Variants in NAA16 observed in about 807,000 individuals in gnomAD.
The protein encoded by NAA16 is N-alpha-acetyltransferase 16, NatA auxiliary subunit, also known as NARG1-like protein.
NAA16 carries 97 observed loss-of-function variants against 110.3 expected under a neutral mutation model. The ratio of observed to expected loss-of-function variants is 0.88; its 90% confidence interval spans 0.75 to 1.04. NAA16 has a LOEUF of 1.04. NAA16 is among the 50% of genes least tolerant of loss of function. The pLI, the probability that NAA16 is intolerant of heterozygous loss-of-function variation, is 0.00. For synonymous variants in NAA16, 372 were observed against 330.6 expected (o/e 1.13, Z -1.36); for missense variants, 1,017 against 1,005.1 (o/e 1.01, Z -0.16).
At chr13:41,332,451 C>T (rs530202615) in intron 8 of NAA16, among the ~76,000 whole-genome samples, 7 of 152,042 alleles carry the variant, frequency 4.6e-5, no homozygotes, top group Admixed American at 1.3e-4. Flanking sequence ...GACCTTGAGT[C>T]GAGTTATTGT....
In NAA16 at chr13:41,369,275, T is replaced by A; in HGVS notation, c.1939T>A (p.Leu647Ile). 6.4e-7 allele frequency: 1 copy of A among 1,563,282 alleles called. No homozygotes were observed. Among genetic ancestry groups the A allele is most frequent in the South Asian group, 1.2e-5 (1 of 81,220 alleles). Residue 647 changes from leucine to isoleucine, a missense_variant, in exon 15 of 20, where the codon TTA (leucine) becomes ATA (isoleucine). Transcript: ENST00000379406. ...TAAGGAAGAACTTATACCTGAAAAA[T>A]TAGAAAGGGTGAGATGGGTTTTACT... is the stretch of plus-strand genomic sequence containing the variant. ...GLKEELIPEK[L>I]ERVENPLEEA...
In NAA16 at chr13:41,320,752, T is replaced by C; in HGVS notation, c.330T>C (p.Asp110=). ...GTTACCGAAATGCCCTCAAATTAGA[T>C]AAAGATAACCTGCAAATTTTGAGGG... ...IKCYRNALKL[D]KDNLQILRDL... is the part of the protein sequence containing the mutation. The change falls in exon 4 of 20, where the codon GAT becomes GAC. Residue 110 remains aspartate (D), a synonymous_variant. Transcript: ENST00000379406. The C allele has an allele frequency of 6.2e-7, 1 of 1,613,412 alleles. No homozygotes were observed. The highest frequency in any genetic ancestry group is 8.5e-7 in the Non-Finnish European group (1 of 1,179,912).
intron 9 of NAA16, among the ~76,000 whole-genome samples, chr13:41,350,656 C>G (rs60085073): frequency 7.0e-6 from 1 of 142,494 alleles, no homozygotes; most frequent in African/African-American, 2.6e-5. Flanking sequence ...GTTTCACTCC[C>G]GTTGCCCAGG....
chr13:41,331,701 A>G (rs1003468142), intron 8 of NAA16, among the ~76,000 whole-genome samples: 4 of 152,036 alleles, frequency 2.6e-5, no homozygotes, highest in Non-Finnish European at 5.9e-5. Flanking sequence ...ACATACAGTT[A>G]GATAGAAGGA....
chr13:41,358,764 T>C, intron 11 of NAA16, 46 bp from the exon 12 acceptor site: 1 of 1,532,602 alleles, frequency 6.5e-7, no homozygotes, highest in Non-Finnish European at 8.8e-7. Flanking sequence ...ATTGTACTCA[T>C]ATTCTCTTGA....
chr13:41,343,943 A>T (rs1057450849), intron 9 of NAA16, among the ~76,000 whole-genome samples: 8 of 152,184 alleles, frequency 5.3e-5, no homozygotes, highest in Non-Finnish European at 8.8e-5. Context: ...AAGTGCTGAG[A>T]TTGTAGGTGT....
At chr13:41,358,533 G>T in intron 11 of NAA16, 60 bp downstream of exon 11, 1 of 1,589,454 alleles carries the variant, frequency 6.3e-7, no homozygotes, top group Admixed American at 1.8e-5. Flanking sequence ...AAGAATCCTT[G>T]GAGTTTTTTC....
At chr13:41,370,160 T>C (rs993153503) in intron 15 of NAA16, among the ~76,000 whole-genome samples, 5 of 152,088 alleles carry the variant, frequency 3.3e-5, no homozygotes, top group Admixed American at 6.6e-5. Context: ...ACAACATAGG[T>C]TTGAATTTTG....
intron 18 of NAA16, chr13:41,374,009 A>G (rs553746312): frequency 4.9e-5 from 24 of 486,156 alleles, no homozygotes; most frequent in Non-Finnish European, 6.4e-5. Context: ...GATAACGGGC[A>G]AATACTTTTA....
intron 2 of NAA16, among the ~76,000 whole-genome samples, chr13:41,317,624 AT>A (rs1482634356): frequency 1.1e-4 from 16 of 152,210 alleles, no homozygotes; most frequent in African/African-American, 3.9e-4. Context: ...TTCCAACAAC[AT>A]TTAAAAGATT....
chr13:41,361,946 C>T, intron 12 of NAA16, 85 bp from the exon 13 acceptor site: 1 of 1,455,794 alleles, frequency 6.9e-7, no homozygotes, highest in Non-Finnish European at 9.4e-7. Flanking sequence ...CATAATAGTA[C>T]TGTAGCCCTA....
At chr13:41,317,588 G>A (rs1472541758) in intron 2 of NAA16, among the ~76,000 whole-genome samples, 1 of 152,108 alleles carries the variant, frequency 6.6e-6, no homozygotes, top group Non-Finnish European at 1.5e-5. Flanking sequence ...CATCTTATTG[G>A]GAAAATAGGC....
chr13:41,343,048 A>G (rs909507246), intron 9 of NAA16, among the ~76,000 whole-genome samples: 3 of 152,226 alleles, frequency 2.0e-5, no homozygotes, highest in Admixed American at 6.5e-5. Context: ...ACAAAATCCA[A>G]TTATAAACTG....
At chr13:41,364,308 A>C (rs1005211266) in intron 13 of NAA16, among the ~76,000 whole-genome samples, 1 of 152,172 alleles carries the variant, frequency 6.6e-6, no homozygotes, top group African/African-American at 2.4e-5. Flanking sequence ...AGTTTCAGTC[A>C]GGATACATAC....
Position 41,355,166 on chromosome 13 carries a change from T to C in NAA16, c.1037T>C (p.Val346Ala). 2 of 1,587,182 alleles carry C rather than the reference T, an allele frequency of 1.3e-6. No homozygotes were observed. Among genetic ancestry groups the C allele is most frequent in the Middle Eastern group, 1.7e-4 (1 of 5,970 alleles). The change falls in exon 10 of 20, where the codon GTT becomes GCT. Residue 346 changes from valine (V) to alanine (A), a missense_variant. Physicochemically the swap from Val to Ala is moderately conservative, Grantham distance 64. Coordinates refer to ENST00000379406, the MANE Select transcript of NAA16 (RefSeq NM_024561.5). Reference sequence around the variant, plus strand: ...CAGGTTTCTATAATCCAGGAACTTGTTACTAATTATGAAGCCTCTCTTAAA... The same window carrying C: ...CAGGTTTCTATAATCCAGGAACTTGCTACTAATTATGAAGCCTCTCTTAAA... The part of the protein sequence containing the change: ...TEKVSIIQEL[V>A]TNYEASLKTC...
At chr13:41,323,829 G>A (rs1385112751) in intron 5 of NAA16, among the ~76,000 whole-genome samples, 1 of 152,172 alleles carries the variant, frequency 6.6e-6, no homozygotes, top group Non-Finnish European at 1.5e-5. Context: ...TCAGCTGCAA[G>A]TTGATGGAGA....
intron 9 of NAA16, among the ~76,000 whole-genome samples, chr13:41,343,413 C>G (rs1011574943): frequency 6.6e-6 from 1 of 152,130 alleles, no homozygotes; most frequent in Admixed American, 6.5e-5. Flanking sequence ...AAATGTAATT[C>G]CTTTCACAGT....
At chr13:41,369,516 G>T (rs2043275131) in intron 15 of NAA16, among the ~76,000 whole-genome samples, 1 of 152,170 alleles carries the variant, frequency 6.6e-6, no homozygotes, top group Non-Finnish European at 1.5e-5. Flanking sequence ...AGGTGTCTGT[G>T]TTCTGGTCCC....
In NAA16 at chr13:41,369,116, A is replaced by G; in HGVS notation, c.1780A>G (p.Lys594Glu). ...SENLSAKELK[K>E]MLSKQRRAQK... ...AAACTTGTCAGCCAAAGAATTGAAG[A>G]AAATGCTTAGCAAGCAGAGAAGAGC... Residue 594 changes from lysine to glutamate, a missense_variant, in exon 15 of 20, where the codon AAA (lysine) becomes GAA (glutamate). Coordinates refer to ENST00000379406, the MANE Select transcript of NAA16 (RefSeq NM_024561.5). 1 of 1,567,602 alleles carries G rather than the reference A, an allele frequency of 6.4e-7. No homozygotes were observed. Among genetic ancestry groups the G allele is most frequent in the Non-Finnish European group, 8.6e-7 (1 of 1,166,768 alleles).
Sources: gnomAD v4.1 joint callset for allele counts (sites outside exome capture counted in the v4.1 genomes callset) on GRCh38, gnomAD v4.1.1 for gene constraint, MANE v1.5 for transcripts, NCBI Gene and HGNC (gene_info 2026-07-23, HGNC 2026-07-21) for gene names.